The following BAZ2B variants were observed in gnomAD, a reference collection of about 807,000 sequenced individuals.
BAZ2B encodes the protein bromodomain adjacent to zinc finger domain 2B.
A neutral mutation model predicts 246.0 loss-of-function variants in BAZ2B; 91 were observed. The ratio of observed to expected loss-of-function variants is 0.37; its 90% CI spans 0.31 to 0.44. The LOEUF is 0.44. Ranked by LOEUF, BAZ2B falls within the 20% of genes least tolerant of loss-of-function variation. The pLI, the probability that BAZ2B is intolerant of heterozygous loss-of-function variation, is 1.00. For missense variants in BAZ2B, 2,332 were observed against 2,533.7 expected, an observed-to-expected ratio of 0.92 and a Z score of 1.71; for synonymous variants, 855 against 860.0, an observed-to-expected ratio of 0.99 and a Z score of 0.10.
At chr2:159,518,550 C>G (rs1308268524) in intron 2 of BAZ2B, among the ~76,000 whole-genome samples, 1 of 152,104 alleles carries the variant, frequency 6.6e-6, no homozygotes, top group Non-Finnish European at 1.5e-5. Context: ...GAGGGAGAGA[C>G]AAGAGGAGGA....
intron 3 of BAZ2B, 88 bp downstream of exon 3, chr2:159,478,487 G>A: frequency 1.5e-6 from 2 of 1,377,590 alleles, no homozygotes; most frequent in South Asian, 1.7e-5. Flanking sequence ...TGCAAGTCAT[G>A]AGAATATTTT....
chr2:159,703,917 A>C, the BAZ2B span, among the ~76,000 whole-genome samples: 181 of 152,282 alleles, frequency 1.2e-3, no homozygotes, highest in African/African-American at 4.3e-3. Context: ...AAAGATAACA[A>C]TATTCAAACT....
rs2062122281 is a variant in BAZ2B at position 159,382,591 on chromosome 2, T to G, written c.3973A>C (p.Lys1325Gln). The change falls in exon 25 of 37, where the codon AAA becomes CAA. Residue 1325 changes from lysine (K) to glutamine (Q), a missense_variant. Physicochemically the swap from Lys to Gln is moderately conservative, Grantham distance 53. This residue lies in a region of BAZ2B where 676 missense variants were observed against 668.6 expected (regional missense o/e 1.01). Coordinates refer to ENST00000392783, the MANE Select transcript of BAZ2B (RefSeq NM_013450.4). ...TCACAGATATCAGTCTTTTTTCCTT[T>G]TTTGTCTTCTTTATCTTCTTCATCC... ...DEDEEDKEDK[K>Q]GKKTDICEDE... 1 of 1,552,446 alleles carries G rather than the reference T, an allele frequency of 6.4e-7. No individual in the cohort carries two copies. Among genetic ancestry groups the G allele is most frequent in the South Asian group, 1.2e-5 (1 of 84,486 alleles).
chr2:159,698,743 C>A, the BAZ2B span, among the ~76,000 whole-genome samples: 1 of 152,012 alleles, frequency 6.6e-6, no homozygotes, highest in African/African-American at 2.4e-5. Context: ...TGCTTTCTTT[C>A]TCAATACTTC....
chr2:159,440,211 C>T (rs991303926), intron 6 of BAZ2B, among the ~76,000 whole-genome samples: 2 of 151,996 alleles, frequency 1.3e-5, no homozygotes, highest in South Asian at 4.1e-4. Context: ...AATGATGGAG[C>T]CACAAGATTA....
intron 9 of BAZ2B, among the ~76,000 whole-genome samples, chr2:159,431,507 G>A (rs771618546): frequency 6.6e-6 from 1 of 152,118 alleles, no homozygotes; most frequent in African/African-American, 2.4e-5. Context: ...AGATTCCAAT[G>A]GCTTATGAAG....
intron 3 of BAZ2B, chr2:159,463,958 C>T (rs2076729015): frequency 7.5e-6 from 1 of 133,296 alleles, no homozygotes; most frequent in African/African-American, 2.5e-5. Context: ...CCCACCTCAG[C>T]CTCCCAAAGT....
chr2:159,658,181 A>G, the BAZ2B span, among the ~76,000 whole-genome samples: 1 of 152,196 alleles, frequency 6.6e-6, no homozygotes, highest in African/African-American at 2.4e-5. Context: ...ATCTATTGAT[A>G]GGATCATATG....
chr2:159,432,258 C>T (rs750406652), intron 9 of BAZ2B, among the ~76,000 whole-genome samples: 4 of 151,332 alleles, frequency 2.6e-5, no homozygotes, highest in Non-Finnish European at 5.9e-5. Context: ...AACCCTAGAC[C>T]CAGCAAAAAG....
At chr2:159,653,099 G>A in the BAZ2B span, among the ~76,000 whole-genome samples, 12 of 151,808 alleles carry the variant, frequency 7.9e-5, no homozygotes, top group Non-Finnish European at 1.5e-4. Context: ...CACCATACTT[G>A]GCTAATTTTT....
chr2:159,547,166 G>A (rs527772125), intron 2 of BAZ2B, among the ~76,000 whole-genome samples: 2 of 152,214 alleles, frequency 1.3e-5, no homozygotes, highest in South Asian at 2.1e-4. Context: ...CATGAGATGT[G>A]CTATTTGCAA....
At chr2:159,400,718 G>C in intron 16 of BAZ2B, 54 bp from the exon 17 acceptor site, 1 of 1,032,476 alleles carries the variant, frequency 9.7e-7, no homozygotes, top group South Asian at 1.4e-5. Flanking sequence ...TCTGAGTAAA[G>C]AGTATTTGAG....
the BAZ2B span, among the ~76,000 whole-genome samples, chr2:159,698,556 T>C: frequency 6.6e-6 from 1 of 150,472 alleles, no homozygotes; most frequent in East Asian, 1.9e-4. Flanking sequence ...AAGAGAATGT[T>C]TAGCCCTTTC....
chr2:159,561,199 T>C (rs912181613), intron 1 of BAZ2B, among the ~76,000 whole-genome samples: 20 of 152,154 alleles, frequency 1.3e-4, no homozygotes, highest in African/African-American at 4.1e-4. Context: ...GGATCCCTCA[T>C]GAATGGCCTG....
chr2:159,502,919 T>C (rs901367358), intron 2 of BAZ2B, among the ~76,000 whole-genome samples: 1 of 152,214 alleles, frequency 6.6e-6, no homozygotes, highest in Non-Finnish European at 1.5e-5. Flanking sequence ...GGTAAAGCTA[T>C]ATTAATTCAG....
intron 2 of BAZ2B, among the ~76,000 whole-genome samples, chr2:159,480,482 T>C (rs2079109748): frequency 6.6e-6 from 1 of 152,082 alleles, no homozygotes; most frequent in African/African-American, 2.4e-5. Context: ...GCAAAAGAAG[T>C]AGTCTTGTAT....
At chr2:159,619,858 T>G (rs939728463), upstream of BAZ2B, among the ~76,000 whole-genome samples, 1 of 152,154 alleles carries the variant, frequency 6.6e-6, no homozygotes, top group Non-Finnish European at 1.5e-5. Flanking sequence ...ATAGTTGCTA[T>G]AGTTATAAAA....
In BAZ2B at chr2:159,418,634, T is replaced by C. The variant is rs552192361; in HGVS notation, c.2467-6089A>G. ...TTTTGGGAAAAGCAGTATATAATTA[T>C]GTAAATACAGTATACCAGTCCACCA... is the stretch of plus-strand genomic sequence containing the variant. On this transcript the variant is annotated intron_variant, in intron 13 of 36. Transcript: ENST00000392783. Among the ~76,000 whole-genome samples, 7 of 152,304 alleles carry C rather than the reference T, an allele frequency of 4.6e-5. No individual in the cohort carries two copies. The South Asian group carries it at 1.4e-3, about 32-fold the overall frequency.
In BAZ2B at chr2:159,347,636, A is replaced by T. The variant is rs778416570; in HGVS notation, c.5304T>A (p.Ile1768=). 20 of 1,604,538 alleles carry T rather than the reference A, an allele frequency of 1.2e-5. No homozygotes were observed. The highest frequency in any genetic ancestry group is 1.7e-5 in the Non-Finnish European group (20 of 1,174,484). Residue 1768 remains isoleucine, a synonymous_variant, in exon 31 of 37, where the codon ATT becomes ATA. Coordinates refer to ENST00000392783, the MANE Select transcript of BAZ2B (RefSeq NM_013450.4). The stretch of plus-strand genomic sequence containing the variant: ...GGTTTTCTTCATTTTCATTCAGTTC[A>T]ATAATAGCAACTACATTTAAAAAGA... ...ACLKNKDVAI[I]ELNENEENQV...
Sources: allele counts gnomAD v4.1 joint callset (sites outside exome capture counted in the v4.1 genomes callset), GRCh38; gene constraint gnomAD v4.1.1; regional missense constraint gnomAD v4.1.1; transcripts MANE v1.5; gene names NCBI Gene and HGNC (gene_info 2026-07-23, HGNC 2026-07-21).